CASP9: variants seen among roughly 807,000 people sequenced by gnomAD.
The protein encoded by CASP9 is caspase-9.
A neutral mutation model predicts 43.5 loss-of-function variants in CASP9; 29 were observed. The ratio of observed to expected loss-of-function variants is 0.67; its 90% confidence interval spans 0.50 to 0.91. The LOEUF (loss-of-function observed/expected upper bound fraction) is 0.91. Ranked by LOEUF, CASP9 falls within the 40% of genes least tolerant of loss-of-function variation. The probability of loss-of-function intolerance (pLI) is 0.00; values close to 1 mark genes in which losing one functional copy is unlikely to be tolerated. For synonymous variants in CASP9, 206 were observed against 211.9 expected, an observed-to-expected ratio of 0.97 and a Z score of 0.24; for missense variants, 575 against 537.4, an observed-to-expected ratio of 1.07 and a Z score of -0.69.
At position 15,506,078 on chromosome 1, in the gene CASP9, T is replaced by C. The variant is rs750261668; in HGVS notation, c.632A>G (p.Lys211Arg). Residue 211 changes from lysine (K) to arginine (R), a missense_variant and splice_region_variant, in exon 5 of 9, where the codon AAA becomes AGA. Physicochemically the swap from Lys to Arg is conservative, Grantham distance 26. Transcript: ENST00000333868. ...VEVKGDLTAKKMVLALLELAQ... is the reference protein window; with the variant it reads ...VEVKGDLTAKRMVLALLELAQ... Reference sequence around the variant, plus strand: ...CAGCTCCAGCAAAGCCAGCACCATTTTCTACAAGAGAGGGCTGCAGGTGAG... The same window carrying C: ...CAGCTCCAGCAAAGCCAGCACCATTCTCTACAAGAGAGGGCTGCAGGTGAG... 1 of 1,611,994 alleles carries C rather than the reference T, an allele frequency of 6.2e-7. No homozygotes were observed. Among genetic ancestry groups the C allele is most frequent in the Admixed American group, 1.7e-5 (1 of 60,016 alleles).
chr1:15,498,859 G>T (rs894387761), intron 6 of CASP9, among the ~76,000 whole-genome samples: 1 of 145,228 alleles, frequency 6.9e-6, no homozygotes, highest in East Asian at 2.0e-4. Context: ...CGATTCTCCT[G>T]TCTCAGCCTC....
chr1:15,504,691 A>G lies in CASP9; in HGVS notation c.788T>C (p.Ile263Thr). The change falls in exon 6 of 9, where the codon ATT becomes ACT. Residue 263 changes from isoleucine to threonine, a missense_variant. Coordinates refer to ENST00000333868, the MANE Select transcript of CASP9 (RefSeq NM_001229.5). ...GCTGGTCCCATTGAAGATGTTCACAATCTTCTCGACCGACACAGGGCATCC... is the reference window on the plus strand; with the variant it reads ...GCTGGTCCCATTGAAGATGTTCACAGTCTTCTCGACCGACACAGGGCATCC... The part of the protein sequence containing the change: ...TDGCPVSVEK[I>T]VNIFNGTSCP... 1 of 1,614,198 alleles carries G rather than the reference A, an allele frequency of 6.2e-7. No individual in the cohort carries two copies. Among genetic ancestry groups the G allele is most frequent in the South Asian group, 1.1e-5 (1 of 91,084 alleles).
chr1:15,513,777 A>C (rs1173468475), intron 2 of CASP9, among the ~76,000 whole-genome samples: 1 of 152,186 alleles, frequency 6.6e-6, no homozygotes. Flanking sequence ...TTTGTTCTTC[A>C]TGAGACAGTG....
intron 6 of CASP9, 127 bp from the exon 7 acceptor site, chr1:15,495,579 A>G (rs1199340902): frequency 7.3e-6 from 6 of 819,640 alleles, no homozygotes; most frequent in East Asian, 3.3e-5. Flanking sequence ...GGGACCCCAA[A>G]CTCATTAAGC....
chr1:15,507,772 G>T (rs1199933315), intron 3 of CASP9, 101 bp downstream of exon 3: 6 of 1,166,702 alleles, frequency 5.1e-6, no homozygotes, highest in Non-Finnish European at 7.7e-6. Context: ...CCTAGGGTTG[G>T]GTTCCCTGGG....
At chr1:15,505,487 GC>G in intron 5 of CASP9, among the ~76,000 whole-genome samples, 1 of 152,312 alleles carries the variant, frequency 6.6e-6, no homozygotes, top group Admixed American at 6.5e-5. Flanking sequence ...GGGACTCCAG[GC>G]CCCAGCTTAT....
chr1:15,521,965 G>A (rs2103384319), intron 1 of CASP9, among the ~76,000 whole-genome samples: 1 of 152,284 alleles, frequency 6.6e-6, no homozygotes, highest in African/African-American at 2.4e-5. Flanking sequence ...CAGACCTACA[G>A]TGCCACTGAG....
chr1:15,513,109 G>A (rs967325084), intron 2 of CASP9, among the ~76,000 whole-genome samples: 6 of 151,138 alleles, frequency 4.0e-5, no homozygotes, highest in Non-Finnish European at 8.8e-5. Context: ...TGCAGTGTGC[G>A]GAGATCGCGC....
At chr1:15,507,758 A>G (rs1709580935) in intron 3 of CASP9, 115 bp downstream of exon 3, 2 of 955,830 alleles carry the variant, frequency 2.1e-6, no homozygotes, top group East Asian at 2.4e-5. Flanking sequence ...CCCCCACTGC[A>G]CTGCCTAGGG....
At chr1:15,503,686 T>C (rs902261275) in intron 6 of CASP9, among the ~76,000 whole-genome samples, 1 of 152,132 alleles carries the variant, frequency 6.6e-6, no homozygotes, top group Non-Finnish European at 1.5e-5. Context: ...ACAGGAGAAA[T>C]AGACCACAGG....
At chr1:15,510,620 G>C (rs1457545951) in intron 2 of CASP9, among the ~76,000 whole-genome samples, 1 of 152,100 alleles carries the variant, frequency 6.6e-6, no homozygotes, top group Non-Finnish European at 1.5e-5. Flanking sequence ...CCCATGGAGG[G>C]AGCAAATCAA....
In CASP9 at chr1:15,491,614, T is replaced by C. The variant is rs1242077520; in HGVS notation, c.*1329A>G. On this transcript the variant is annotated 3_prime_UTR_variant, in exon 9 of 9. Transcript: ENST00000333868. ...CTCTACTAAAAATACAAAAATTAAC[T>C]GGGAGAGGTGGTGCACACCTGTAGT... The C allele has an allele frequency of 3.6e-5, 12 of 333,168 alleles. No individual in the cohort carries two copies. Among genetic ancestry groups the C allele is most frequent in the African/African-American group, 2.5e-4 (12 of 47,420 alleles). 20.6% of individuals were successfully genotyped at this position (333,168 alleles called of 1,614,324 possible).
chr1:15,500,929 G>A (rs1479360091), intron 6 of CASP9, among the ~76,000 whole-genome samples: 1 of 152,174 alleles, frequency 6.6e-6, no homozygotes. Context: ...CGCTAAGGCA[G>A]CTCCGTTCAC....
rs1710346278 is a variant in CASP9 at position 15,524,213 on chromosome 1, A to T, written c.-13T>A. ...CCGCTTCGTCCATGGCGAGTAGCCA[A>T]CTAAGACTCCAGGCCGCCTCAGTCC... On this transcript the variant is annotated 5_prime_UTR_variant, in exon 1 of 9. In the 5' UTR this introduces an upstream ATG that the reference lacks. Transcript: ENST00000333868. The T allele has an allele frequency of 5.2e-6, 8 of 1,540,038 alleles. No homozygotes were observed. The highest frequency in any genetic ancestry group is 2.3e-4 in the Middle Eastern group (1 of 4,444).
intron 1 of CASP9, chr1:15,519,865 G>A (rs1402271490): frequency 6.6e-6 from 1 of 152,540 alleles, no homozygotes; most frequent in Non-Finnish European, 1.5e-5. Context: ...AAAAAGCCAG[G>A]TATGGTGTCA....
At chr1:15,493,269 G>A in intron 8 of CASP9, 1 of 1,388,712 alleles carries the variant, frequency 7.2e-7, no homozygotes, top group South Asian at 1.7e-5. Flanking sequence ...TATTTGCAAG[G>A]AGCCAGGAGT....
intron 2 of CASP9, among the ~76,000 whole-genome samples, chr1:15,513,316 C>T (rs1211233099): frequency 6.6e-6 from 1 of 152,092 alleles, no homozygotes; most frequent in African/African-American, 2.4e-5. Context: ...TACACATACA[C>T]ACACCCCCTA....
At chr1:15,506,132 A>G (rs1300943631) in intron 4 of CASP9, 53 bp from the exon 5 acceptor site, 8 of 1,197,224 alleles carry the variant, frequency 6.7e-6, no homozygotes, top group Non-Finnish European at 1.0e-5. Flanking sequence ...CTAGATGCAG[A>G]CTGGACCGTT....
At chr1:15,493,443 C>G in intron 8 of CASP9, 2 of 1,253,514 alleles carry the variant, frequency 1.6e-6, no homozygotes, top group Non-Finnish European at 2.0e-6. Flanking sequence ...TATCAGGCCA[C>G]CCTTCCCTAT....
Sources: allele counts gnomAD v4.1 joint callset (sites outside exome capture counted in the v4.1 genomes callset), GRCh38; gene constraint gnomAD v4.1.1; transcripts MANE v1.5; gene names NCBI Gene and HGNC (gene_info 2026-07-23, HGNC 2026-07-21).